PTPDC1: variants seen among roughly 807,000 people sequenced by gnomAD.
PTPDC1 encodes protein tyrosine phosphatase domain-containing protein 1.
Under a neutral mutation model 75.3 loss-of-function variants are expected in PTPDC1, and 53 were observed. That is an observed-to-expected ratio of 0.70 (90% CI 0.56 to 0.88). PTPDC1 has a LOEUF of 0.88. Ranked by LOEUF, PTPDC1 falls within the 40% of genes least tolerant of loss-of-function variation. The probability of loss-of-function intolerance (pLI) is 0.00; values close to 1 mark genes in which losing one functional copy is unlikely to be tolerated. For synonymous variants in PTPDC1, 349 were observed against 366.2 expected (o/e 0.95, Z 0.54); for missense variants, 925 against 998.6 (o/e 0.93, Z 0.99).
chr9:94,097,431 C>G lies in PTPDC1; in HGVS notation c.865C>G (p.Leu289Val). 6.2e-7 allele frequency: 1 copy of G among 1,614,152 alleles called. No homozygotes were observed. Among genetic ancestry groups the G allele is most frequent in the Non-Finnish European group, 8.5e-7 (1 of 1,179,992 alleles). Residue 289 changes from leucine to valine, a missense_variant, in exon 6 of 9, where the codon CTC (leucine) becomes GTC (valine). By Grantham distance (32) the Leu-to-Val change is conservative. Transcript: ENST00000620992. Reference sequence around the variant, plus strand: ...TTCCATACAAACCAGAGGACAGCTCCTCTGTGTAAGGGAATTTACTCAGTT... The same window carrying G: ...TTCCATACAAACCAGAGGACAGCTCGTCTGTGTAAGGGAATTTACTCAGTT... ...PNSIQTRGQL[L>V]CVREFTQFLT...
chr9:94,051,897 G>T (rs1825802824), intron 1 of PTPDC1, among the ~76,000 whole-genome samples: 1 of 151,746 alleles, frequency 6.6e-6, no homozygotes, highest in African/African-American at 2.4e-5. Context: ...CTTCCTTCTT[G>T]CTTTAGGTTT....
At chr9:94,059,977 A>G (rs535529683) in intron 1 of PTPDC1, among the ~76,000 whole-genome samples, 1 of 152,260 alleles carries the variant, frequency 6.6e-6, no homozygotes, top group Non-Finnish European at 1.5e-5. Flanking sequence ...TTGATTTTTG[A>G]TGATTGTTCC....
Position 94,088,162 on chromosome 9 carries a change from TAATC to T in PTPDC1, c.518_521del (p.Ile173ThrfsTer45). On this transcript the variant is annotated frameshift_variant, in exon 4 of 9. Transcript: ENST00000620992. LOFTEE classifies it high-confidence loss of function. ...CCTTTAAGCCATGGCATAAAAACAATAATCAACCTCCAGCGCCCTGGTGAGCATG... is the reference window on the plus strand; with the variant it reads ...CCTTTAAGCCATGGCATAAAAACAATAACCTCCAGCGCCCTGGTGAGCATG... The T allele has an allele frequency of 6.2e-7, 1 of 1,613,574 alleles. No homozygotes were observed. The highest frequency in any genetic ancestry group is 8.5e-7 in the Non-Finnish European group (1 of 1,179,860).
chr9:94,049,695 G>C (rs1456548844), intron 1 of PTPDC1, among the ~76,000 whole-genome samples: 1 of 152,038 alleles, frequency 6.6e-6, no homozygotes, highest in Non-Finnish European at 1.5e-5. Context: ...ATGTGTCTTG[G>C]AATTGCTCTT....
chr9:94,049,849 A>C (rs1825731311), intron 1 of PTPDC1, among the ~76,000 whole-genome samples: 1 of 152,226 alleles, frequency 6.6e-6, no homozygotes, highest in Non-Finnish European at 1.5e-5. Flanking sequence ...TTTCAGGTGC[A>C]CTAATCCGAT....
In PTPDC1 at chr9:94,094,803, G is replaced by A. The variant is rs556751663; in HGVS notation, c.617-514G>A. Among the ~76,000 whole-genome samples, 380 of 152,326 alleles carry A rather than the reference G, an allele frequency of 2.5e-3. 3 individuals are homozygous for A. Among genetic ancestry groups the A allele is most frequent in the African/African-American group, 8.7e-3 (361 of 41,564 alleles). On this transcript the variant is annotated intron_variant, in intron 4 of 8. Coordinates refer to ENST00000620992, the MANE Select transcript of PTPDC1 (RefSeq NM_001253829.2). ...GGTGCGCAGTTTTTTAAGCCCGTCC[G>A]AAAAGCGCAGTGTTCGGGTGGGAGT...
chr9:94,070,489 T>C (rs1045138103), intron 2 of PTPDC1, among the ~76,000 whole-genome samples: 2 of 152,200 alleles, frequency 1.3e-5, no homozygotes, highest in African/African-American at 4.8e-5. Flanking sequence ...CATGCAAATA[T>C]AAGAAATAAT....
intron 2 of PTPDC1, among the ~76,000 whole-genome samples, chr9:94,072,608 C>T (rs1253664646): frequency 6.6e-6 from 1 of 151,998 alleles, no homozygotes; most frequent in Non-Finnish European, 1.5e-5. Flanking sequence ...TGCCTTCTTC[C>T]TGACCATAGG....
intron 1 of PTPDC1, among the ~76,000 whole-genome samples, chr9:94,031,554 C>T (rs1033158681): frequency 2.2e-4 from 34 of 151,994 alleles, no homozygotes; most frequent in Non-Finnish European, 2.5e-4. Flanking sequence ...CTAATTCTGC[C>T]ACTAAATTAG....
chr9:94,067,553 G>A (rs1167619316), intron 2 of PTPDC1, among the ~76,000 whole-genome samples: 1 of 152,074 alleles, frequency 6.6e-6, no homozygotes, highest in African/African-American at 2.4e-5. Context: ...TATATTGTGT[G>A]TGTATAATTT....
At chr9:94,091,127 G>C (rs1194103184) in intron 4 of PTPDC1, among the ~76,000 whole-genome samples, 1 of 151,298 alleles carries the variant, frequency 6.6e-6, no homozygotes, top group Non-Finnish European at 1.5e-5. Context: ...TGTTGAATAG[G>C]AGTGGTGAGA....
Position 94,054,554 on chromosome 9 carries a change from G to A in PTPDC1, c.-6-10180G>A, listed in dbSNP as rs536749962. On this transcript the variant is annotated intron_variant, in intron 1 of 9. Coordinates refer to the PTPDC1 transcript ENST00000375360. ...GAGATAGAAGGCTAAAATGTGTAAA[G>A]GGGCCACGTTCCTGATATTTGTCTG... Among the ~76,000 whole-genome samples the A allele has an allele frequency of 6.6e-5, 10 of 152,252 alleles. No individual in the cohort carries two copies. The South Asian group carries it at 2.1e-3, about 32-fold the overall frequency.
intron 1 of PTPDC1, among the ~76,000 whole-genome samples, chr9:94,048,583 T>C (rs1349000931): frequency 1.3e-5 from 2 of 152,220 alleles, no homozygotes; most frequent in African/African-American, 4.8e-5. Flanking sequence ...TTTGTTACAA[T>C]TTCTGTTCTT....
rs868115893 is a variant in PTPDC1 at position 94,094,678 on chromosome 9, T to C, written c.617-639T>C. 4.4e-3 allele frequency among the ~76,000 whole-genome samples: 674 copies of C among 152,306 alleles called. 4 individuals are homozygous for C. The highest frequency in any genetic ancestry group is 0.015 in the African/African-American group (619 of 41,574). ...ATGGCGGGCACCCCTCCCCCAGCCT[T>C]GCTGCCGCCTTGCAGTTTGATCTCA... On this transcript the variant is annotated intron_variant, in intron 4 of 8. Transcript: ENST00000620992.
At chr9:94,050,905 G>A (rs1825768503) in intron 1 of PTPDC1, among the ~76,000 whole-genome samples, 1 of 152,152 alleles carries the variant, frequency 6.6e-6, no homozygotes, top group South Asian at 2.1e-4. Context: ...CTCAAGCCTT[G>A]GCAATGGCGG....
At chr9:94,047,961 G>A (rs1485126568) in intron 1 of PTPDC1, among the ~76,000 whole-genome samples, 1 of 152,160 alleles carries the variant, frequency 6.6e-6, no homozygotes, top group South Asian at 2.1e-4. Flanking sequence ...AGGAGCAGAT[G>A]GATTCACAGC....
At chr9:94,051,268 T>C (rs888526310) in intron 1 of PTPDC1, among the ~76,000 whole-genome samples, 15 of 152,150 alleles carry the variant, frequency 9.9e-5, no homozygotes, top group African/African-American at 3.4e-4. Flanking sequence ...AGTACCTCAG[T>C]TGGAAATGCA....
chr9:94,058,599 C>T (rs545944620), intron 1 of PTPDC1, among the ~76,000 whole-genome samples: 13 of 150,968 alleles, frequency 8.6e-5, no homozygotes, highest in African/African-American at 3.2e-4. Flanking sequence ...CCCAGCTACT[C>T]GGAGGGCTGA....
At position 94,108,902 on chromosome 9, in the gene PTPDC1, C is replaced by A. The variant is rs1564044047; in HGVS notation, c.*958C>A. Reference sequence around the variant, plus strand: ...CACTCTGCAGAGGTGACTCTTGGAGCTGGAGGAAGTCAAAACTGGGCCACT... The same window carrying A: ...CACTCTGCAGAGGTGACTCTTGGAGATGGAGGAAGTCAAAACTGGGCCACT... On this transcript the variant is annotated 3_prime_UTR_variant, in exon 9 of 9. Transcript: ENST00000620992. 6.6e-6 allele frequency: 1 copy of A among 152,406 alleles called. No homozygotes were observed. Among genetic ancestry groups the A allele is most frequent in the Non-Finnish European group, 1.5e-5 (1 of 68,204 alleles). 9.4% of individuals were successfully genotyped at this position (152,406 alleles called of 1,614,324 possible). A position where few individuals can be genotyped will look rare whatever the true frequency, so the allele number is the denominator to read the frequency against.
Sources: allele counts gnomAD v4.1 joint callset (sites outside exome capture counted in the v4.1 genomes callset), GRCh38; gene constraint gnomAD v4.1.1; transcripts MANE v1.5; gene names NCBI Gene and HGNC (gene_info 2026-07-23, HGNC 2026-07-21).